The following SULF2 variants were observed in gnomAD, a reference collection of about 807,000 sequenced individuals.
The protein encoded by SULF2 is extracellular sulfatase Sulf-2.
SULF2 carries 52 observed loss-of-function variants against 107.7 expected under a neutral mutation model. The observed-to-expected ratio is 0.48, with a 90% confidence interval of 0.39 to 0.61. The LOEUF (loss-of-function observed/expected upper bound fraction) is 0.61, where lower values mean the gene tolerates loss of function less well. Ranked by LOEUF, SULF2 falls within the 20% of genes least tolerant of loss-of-function variation. SULF2 has a pLI of 0.00. For synonymous variants in SULF2, 460 were observed against 464.3 expected (o/e 0.99, Z 0.12); for missense variants, 993 against 1,177.3 (o/e 0.84, Z 2.29).
At chr20:47,754,684 C>T (rs1208690359) in intron 2 of SULF2, among the ~76,000 whole-genome samples, 1 of 152,166 alleles carries the variant, frequency 6.6e-6, no homozygotes, top group Non-Finnish European at 1.5e-5. Flanking sequence ...GTCTGTGCAA[C>T]GATGCCTGTT....
intron 5 of SULF2, among the ~76,000 whole-genome samples, chr20:47,686,642 C>A (rs1246630722): frequency 6.6e-6 from 1 of 152,226 alleles, no homozygotes; most frequent in Non-Finnish European, 1.5e-5. Context: ...ATGTCTCCCT[C>A]TGGCCTGGTA....
chr20:47,776,910 G>C (rs999732762), intron 1 of SULF2, among the ~76,000 whole-genome samples: 2 of 152,164 alleles, frequency 1.3e-5, no homozygotes, highest in African/African-American at 4.8e-5. Context: ...AGTCACCTTC[G>C]AGCAAACATG....
chr20:47,695,045 A>G (rs2088328349), intron 4 of SULF2, among the ~76,000 whole-genome samples: 1 of 152,222 alleles, frequency 6.6e-6, no homozygotes, highest in Non-Finnish European at 1.5e-5. Flanking sequence ...AGAAGCATAC[A>G]TAGTGGTTTA....
In SULF2 at chr20:47,678,730, T is replaced by A. The variant is rs1399630439; in HGVS notation, c.1139A>T (p.Asp380Val). 1.7e-5 allele frequency: 27 copies of A among 1,613,852 alleles called. No homozygotes were observed. Among genetic ancestry groups the A allele is most frequent in the Non-Finnish European group, 2.2e-5 (26 of 1,180,014 alleles). Reference sequence around the variant, plus strand: ...CTTGAGGATGGATTTCCCGTCCATATCCGCAGGTATGTCCAGGCCTGCAAT... The same window carrying A: ...CTTGAGGATGGATTTCCCGTCCATAACCGCAGGTATGTCCAGGCCTGCAAT... ...LDIAGLDIPA[D>V]MDGKSILKLL... The change falls in exon 8 of 21, where the codon GAT (aspartate) becomes GTT (valine). Residue 380 changes from aspartate (D) to valine (V), a missense_variant. Physicochemically the swap from Asp to Val is radical, Grantham distance 152 (BLOSUM62 -3). Coordinates refer to ENST00000688720, the MANE Select transcript of SULF2 (RefSeq NM_001387048.1). This position sits in a 1 kb window ranked among gnomAD's most constrained non-coding sequence, Gnocchi z 4.5.
intron 2 of SULF2, among the ~76,000 whole-genome samples, chr20:47,740,662 C>A (rs901265289): frequency 6.7e-6 from 1 of 149,826 alleles, no homozygotes; most frequent in Non-Finnish European, 1.5e-5. Flanking sequence ...CAACAACAAA[C>A]AATTGCAGCC....
intron 1 of SULF2, among the ~76,000 whole-genome samples, chr20:47,777,029 G>A (rs2090737210): frequency 1.3e-5 from 2 of 152,160 alleles, no homozygotes; most frequent in African/African-American, 4.8e-5. Flanking sequence ...TCTCAGTGCT[G>A]GGGATACAGC....
intron 1 of SULF2, among the ~76,000 whole-genome samples, chr20:47,784,714 G>A (rs1600707660): frequency 6.6e-6 from 1 of 152,208 alleles, no homozygotes; most frequent in Admixed American, 6.5e-5. Context: ...TATAAGGAAT[G>A]TTTGGAAAAG....
At chr20:47,755,908 C>G (rs1335037935) in intron 2 of SULF2, among the ~76,000 whole-genome samples, 2 of 141,790 alleles carry the variant, frequency 1.4e-5, no homozygotes, top group African/African-American at 5.1e-5. Flanking sequence ...CTCCGGCTCC[C>G]TGGCACTTTT....
chr20:47,756,126 G>A (rs910912459), intron 2 of SULF2, among the ~76,000 whole-genome samples: 7 of 152,254 alleles, frequency 4.6e-5, no homozygotes, highest in African/African-American at 1.2e-4. Flanking sequence ...AAACAGCGTC[G>A]GGGCTACACA....
chr20:47,744,323 C>T (rs1333348401), intron 2 of SULF2, among the ~76,000 whole-genome samples: 1 of 152,152 alleles, frequency 6.6e-6, no homozygotes, highest in Non-Finnish European at 1.5e-5. Context: ...GCTGGGATTA[C>T]AGGCAAGTAC....
intron 1 of SULF2, 111 bp from the exon 2 acceptor site, chr20:47,757,574 C>T: frequency 1.7e-6 from 1 of 576,364 alleles, no homozygotes; most frequent in South Asian, 2.5e-5. Flanking sequence ...TTTCTTTGAA[C>T]AGGGGTGGCT....
chr20:47,678,860 C>T lies in SULF2; in HGVS notation c.1065-56G>A, dbSNP rs1386934379. The T allele has an allele frequency of 9.7e-6, 15 of 1,545,148 alleles. No homozygotes were observed. Among genetic ancestry groups the T allele is most frequent in the Admixed American group, 8.4e-5 (5 of 59,426 alleles). On this transcript the variant is annotated intron_variant, in intron 7 of 20. Coordinates refer to ENST00000688720, the MANE Select transcript of SULF2 (RefSeq NM_001387048.1). The surrounding 1 kb of genome is among the most constrained non-coding windows in gnomAD (Gnocchi z 4.5). ...CACTCAGGTGGTGGTGCCTCAGCCT[C>T]GCGTGGGGGGTGGGGAGCGGTAGGT... is the stretch of plus-strand genomic sequence containing the variant.
chr20:47,725,847 C>T (rs763345539), intron 3 of SULF2, among the ~76,000 whole-genome samples: 6 of 152,002 alleles, frequency 3.9e-5, no homozygotes, highest in Non-Finnish European at 5.9e-5. Context: ...TGTAGGAACT[C>T]GGTTTCCCTT....
chr20:47,729,414 A>T (rs1257764163), intron 3 of SULF2, among the ~76,000 whole-genome samples: 2 of 152,192 alleles, frequency 1.3e-5, no homozygotes, highest in African/African-American at 4.8e-5. Flanking sequence ...TTGAAAACAG[A>T]CCAAGGGGTC....
At chr20:47,677,198 C>G in intron 8 of SULF2, 64 bp from the exon 9 acceptor site, 1 of 1,577,942 alleles carries the variant, frequency 6.3e-7, no homozygotes, top group Non-Finnish European at 8.7e-7. Flanking sequence ...CCCCGTTCCC[C>G]CAGGAGCAGG....
chr20:47,709,494 C>T (rs766443993), intron 3 of SULF2, among the ~76,000 whole-genome samples: 2 of 152,180 alleles, frequency 1.3e-5, no homozygotes, highest in Non-Finnish European at 2.9e-5. Flanking sequence ...TTAAGTTGCA[C>T]GGGCTGACCT....
chr20:47,740,070 C>CT (rs1362637727), intron 2 of SULF2, among the ~76,000 whole-genome samples: 2 of 152,172 alleles, frequency 1.3e-5, no homozygotes, highest in African/African-American at 4.8e-5. Flanking sequence ...CAACTTATTC[C>CT]TGGGGAAGAG....
At chr20:47,715,694 G>A (rs2089095665) in intron 3 of SULF2, among the ~76,000 whole-genome samples, 1 of 151,066 alleles carries the variant, frequency 6.6e-6, no homozygotes, top group Admixed American at 6.6e-5. Flanking sequence ...TGATTCTCTT[G>A]CCTCAGCCTC....
Position 47,753,792 on chromosome 20 carries a change from G to T in SULF2, c.175+3397C>A, listed in dbSNP as rs558826368. On this transcript the variant is annotated intron_variant, in intron 2 of 20. Transcript: ENST00000688720. ...CTGGAGCCCCAGAGGCTCCCCAGAGGTTTAGATCAAATTAAATCAGTAAAC... is the reference window on the plus strand; with the variant it reads ...CTGGAGCCCCAGAGGCTCCCCAGAGTTTTAGATCAAATTAAATCAGTAAAC... 2.0e-5 allele frequency among the ~76,000 whole-genome samples: 3 copies of T among 152,328 alleles called. No individual in the cohort carries two copies. In the South Asian group the frequency reaches 6.2e-4, roughly 32 times the overall value.
Sources: allele counts gnomAD v4.1 joint callset (sites outside exome capture counted in the v4.1 genomes callset), GRCh38; gene constraint gnomAD v4.1.1; non-coding constraint Gnocchi (gnomAD v3.1); transcripts MANE v1.5; gene names NCBI Gene and HGNC (gene_info 2026-07-23, HGNC 2026-07-21).